Variants in LMX1B observed in about 807,000 individuals in gnomAD.
The protein encoded by LMX1B is LIM homeobox transcription factor 1-beta.
LMX1B carries 12 observed loss-of-function variants against 51.4 expected under a neutral mutation model. The ratio of observed to expected loss-of-function variants is 0.23; its 90% CI spans 0.15 to 0.38. The LOEUF (loss-of-function observed/expected upper bound fraction) is 0.38, where lower values mean the gene tolerates loss of function less well. Ranked by LOEUF, LMX1B falls within the 10% of genes least tolerant of loss-of-function variation. The pLI is 1.00. For missense variants in LMX1B, 445 were observed against 571.1 expected (o/e 0.78, Z 2.25); for synonymous variants, 237 against 235.4 (o/e 1.01, Z -0.06).
Position 126,696,486 on chromosome 9 carries a change from C to T in LMX1B, c.*35C>T. 2 of 1,612,602 alleles carry T rather than the reference C, an allele frequency of 1.2e-6. No homozygotes were observed. The highest frequency in any genetic ancestry group is 1.3e-5 in the African/African-American group (1 of 75,028). The stretch of plus-strand genomic sequence containing the variant: ...AGGCGCACGGACGCTTGGGCAGGGG[C>T]CTGGGGGGGACTGCCAGCCTCTGCG... On this transcript the variant is annotated 3_prime_UTR_variant, in exon 8 of 8. Transcript: ENST00000373474.
intron 2 of LMX1B, among the ~76,000 whole-genome samples, chr9:126,622,343 C>G (rs969205503): frequency 3.3e-5 from 5 of 152,108 alleles, no homozygotes; most frequent in Non-Finnish European, 7.4e-5. Flanking sequence ...GAGGCTTCCC[C>G]GGGAACTGTG....
intron 2 of LMX1B, among the ~76,000 whole-genome samples, chr9:126,622,875 C>T (rs1444358692): frequency 3.9e-5 from 6 of 152,320 alleles, no homozygotes; most frequent in Non-Finnish European, 8.8e-5. Flanking sequence ...AGGCCAAGGG[C>T]CTTTAGGGAA....
chr9:126,688,905 G>T (rs1336331238), intron 2 of LMX1B, among the ~76,000 whole-genome samples: 6 of 152,238 alleles, frequency 3.9e-5, no homozygotes, highest in African/African-American at 1.4e-4. Context: ...CCCTGGTAGA[G>T]GTGGTAGAGT....
At chr9:126,622,857 A>G (rs1280414074) in intron 2 of LMX1B, among the ~76,000 whole-genome samples, 10 of 152,332 alleles carry the variant, frequency 6.6e-5, no homozygotes, top group African/African-American at 2.4e-4. Context: ...TCCATCTCCC[A>G]GTGACAAAGG....
intron 7 of LMX1B, 145 bp from the exon 8 acceptor site, chr9:126,696,149 A>AGGGCCCC: frequency 8.8e-7 from 1 of 1,133,784 alleles, no homozygotes; most frequent in Non-Finnish European, 1.3e-6. Context: ...GCTGACAGGA[A>AGGGCCCC]GGGCCCCAGT....
In LMX1B at chr9:126,696,371, G is replaced by T. The variant is rs1227621514; in HGVS notation, c.1129G>T (p.Asp377Tyr). Residue 377 changes from aspartate (D) to tyrosine (Y), a missense_variant, in exon 8 of 8, where the codon GAC becomes TAC. Asp to Tyr is a radical substitution (Grantham distance 160, BLOSUM62 -3). Coordinates refer to ENST00000373474, the MANE Select transcript of LMX1B (RefSeq NM_001174147.2). ...CAGCGACTGCTTCCTCGGCTCCTCA[G>T]ACGTGGGCTCCCTGCAGGCCCGCGT... ...SLSDCFLGSS[D>Y]VGSLQARVGN... 1.9e-6 allele frequency: 3 copies of T among 1,613,992 alleles called. No individual in the cohort carries two copies. Among genetic ancestry groups the T allele is most frequent in the Admixed American group, 3.3e-5 (2 of 60,008 alleles).
intron 2 of LMX1B, among the ~76,000 whole-genome samples, chr9:126,690,369 G>A (rs2030076840): frequency 6.6e-6 from 1 of 152,160 alleles, no homozygotes; most frequent in African/African-American, 2.4e-5. Context: ...CAGTTGCTCG[G>A]GCAGGAGAGG....
intron 2 of LMX1B, among the ~76,000 whole-genome samples, chr9:126,675,102 G>T (rs1404582780): frequency 1.3e-5 from 2 of 152,072 alleles, no homozygotes; most frequent in East Asian, 3.8e-4. Context: ...CGGTTGTAGA[G>T]CATATTAGCG....
In LMX1B at chr9:126,693,189, G is replaced by A. The variant is rs1335521422; in HGVS notation, c.607G>A (p.Gly203Ser). The change falls in exon 4 of 8, where the codon GGC (glycine) becomes AGC (serine). Residue 203 changes from glycine (G) to serine (S), a missense_variant. By Grantham distance (56) the Gly-to-Ser change is moderately conservative. Transcript: ENST00000373474. ...DGDMKPAKGQGSQSKGSGDDG... is the reference protein window; with the variant it reads ...DGDMKPAKGQSSQSKGSGDDG... ...GGACATGAAGCCGGCCAAGGGGCAG[G>A]GCAGTCAGAGCAAGGGCAGCGGGGA... 1 of 1,604,190 alleles carries A rather than the reference G, an allele frequency of 6.2e-7. No individual in the cohort carries two copies. The highest frequency in any genetic ancestry group is 8.5e-7 in the Non-Finnish European group (1 of 1,175,846).
intron 2 of LMX1B, among the ~76,000 whole-genome samples, chr9:126,690,478 A>C (rs1369746997): frequency 6.6e-6 from 1 of 152,188 alleles, no homozygotes; most frequent in Admixed American, 6.5e-5. Context: ...GAGCTGAGGT[A>C]GAAAGGATCC....
chr9:126,651,180 C>A (rs969979801), intron 2 of LMX1B, among the ~76,000 whole-genome samples: 1 of 151,990 alleles, frequency 6.6e-6, no homozygotes, highest in Admixed American at 6.5e-5. Context: ...TCCTTCTCTC[C>A]GTGCTGGGGC....
intron 2 of LMX1B, among the ~76,000 whole-genome samples, chr9:126,689,882 CT>C (rs1419140472): frequency 6.6e-6 from 1 of 152,244 alleles, no homozygotes; most frequent in Non-Finnish European, 1.5e-5. Flanking sequence ...AATGTTCATT[CT>C]TTTCTTGCAG....
rs1482322437 is a variant in LMX1B at position 126,615,331 on chromosome 9, G to A, written c.140-52G>A. ...GTGGGCCCGGTGCGACCGGGACGCCGGGGCTGGGCCGGGCGGCGCTGACGG... is the reference window on the plus strand; with the variant it reads ...GTGGGCCCGGTGCGACCGGGACGCCAGGGCTGGGCCGGGCGGCGCTGACGG... On this transcript the variant is annotated intron_variant, in intron 1 of 7. Transcript: ENST00000373474. This position sits in a 1 kb window ranked among gnomAD's most constrained non-coding sequence, Gnocchi z 6.0. 8 of 1,398,656 alleles carry A rather than the reference G, an allele frequency of 5.7e-6. No homozygotes were observed. The African/African-American group carries it at 1.0e-4, about 18-fold the overall frequency. 86.6% of individuals were successfully genotyped at this position (1,398,656 alleles called of 1,614,324 possible). A position where few individuals can be genotyped will look rare whatever the true frequency, so the allele number is the denominator to read the frequency against.
chr9:126,688,403 G>A (rs2029988093), intron 2 of LMX1B, among the ~76,000 whole-genome samples: 1 of 152,186 alleles, frequency 6.6e-6, no homozygotes, highest in South Asian at 2.1e-4. Flanking sequence ...CCCTGGGACC[G>A]TGGCGCTCCC....
intron 2 of LMX1B, among the ~76,000 whole-genome samples, chr9:126,624,152 G>C (rs1835474705): frequency 6.6e-6 from 1 of 152,246 alleles, no homozygotes; most frequent in South Asian, 2.1e-4. Context: ...ATCCTGGGAC[G>C]CGCTAGGCTG....
At chr9:126,681,184 C>A (rs1836663388) in intron 2 of LMX1B, among the ~76,000 whole-genome samples, 1 of 152,160 alleles carries the variant, frequency 6.6e-6, no homozygotes, top group Admixed American at 6.5e-5. Context: ...GTGATTGTAT[C>A]TCTGGGTGTG....
At position 126,673,030 on chromosome 9, in the gene LMX1B, C is replaced by T. The variant is rs1378023902; in HGVS notation, c.327-17806C>T. Among the ~76,000 whole-genome samples the T allele has an allele frequency of 6.6e-6, 1 of 152,254 alleles. No individual in the cohort carries two copies. Among genetic ancestry groups the T allele is most frequent in the Non-Finnish European group, 1.5e-5 (1 of 68,052 alleles). On this transcript the variant is annotated intron_variant, in intron 2 of 7. Transcript: ENST00000373474. This position sits in a 1 kb window ranked among gnomAD's most constrained non-coding sequence, Gnocchi z 4.4. ...GAGGCTCTTTTCGGCTTTTGCCCAACCACATGCTGACCTATCTCTTACTGG... is the reference window on the plus strand; with the variant it reads ...GAGGCTCTTTTCGGCTTTTGCCCAATCACATGCTGACCTATCTCTTACTGG...
In LMX1B at chr9:126,648,165, C is replaced by G. The variant is rs144521875; in HGVS notation, c.326+32596C>G. Among the ~76,000 whole-genome samples, 7 of 152,296 alleles carry G rather than the reference C, an allele frequency of 4.6e-5. No individual in the cohort carries two copies. The East Asian group carries it at 1.4e-3, about 29-fold the overall frequency. On this transcript the variant is annotated intron_variant, in intron 2 of 7. Transcript: ENST00000373474. ...AAAAGGGCCTATAAGAAAAATGAAC[C>G]GTGGCAGGCGTGGACTCCATTTGTA...
rs991003020 is a variant in LMX1B at position 126,615,081 on chromosome 9, C to T, written c.140-302C>T. On this transcript the variant is annotated intron_variant, in intron 1 of 7. Coordinates refer to ENST00000373474, the MANE Select transcript of LMX1B (RefSeq NM_001174147.2). The surrounding 1 kb of genome is among the most constrained non-coding windows in gnomAD (Gnocchi z 6.0). Reference sequence around the variant, plus strand: ...GCCTGTCTTGGTCCCAGCCGGCCACCCTGCGCCGTGCTCGTTGTCATTTGT... The same window carrying T: ...GCCTGTCTTGGTCCCAGCCGGCCACTCTGCGCCGTGCTCGTTGTCATTTGT... Among the ~76,000 whole-genome samples the T allele has an allele frequency of 2.0e-5, 3 of 152,196 alleles. No individual in the cohort carries two copies. The highest frequency in any genetic ancestry group is 1.3e-4 in the Admixed American group (2 of 15,302).
Sources: allele counts gnomAD v4.1 joint callset (sites outside exome capture counted in the v4.1 genomes callset), GRCh38; gene constraint gnomAD v4.1.1; non-coding constraint Gnocchi (gnomAD v3.1); transcripts MANE v1.5; gene names NCBI Gene and HGNC (gene_info 2026-07-23, HGNC 2026-07-21).